PCDHGB4: variants seen among roughly 807,000 people sequenced by gnomAD.
PCDHGB4 encodes the protein protocadherin gamma-B4.
In PCDHGB4, 38 loss-of-function variants were observed where a neutral mutation model predicts 60.5. The observed-to-expected ratio is 0.63, with a 90% CI of 0.48 to 0.82. The LOEUF (loss-of-function observed/expected upper bound fraction) is 0.82, where lower values mean the gene tolerates loss of function less well. Ranked by LOEUF, PCDHGB4 falls within the 40% of genes least tolerant of loss-of-function variation. The pLI, the probability that PCDHGB4 is intolerant of heterozygous loss-of-function variation, is 0.00. For synonymous variants in PCDHGB4, 456 were observed against 509.7 expected (o/e 0.89, Z 1.42); for missense variants, 1,109 against 1,209.6 (o/e 0.92, Z 1.23).
chr5:141,388,195 T>C lies in PCDHGB4; in HGVS notation c.311T>C (p.Leu104Pro). 1 of 1,563,830 alleles carries C rather than the reference T, an allele frequency of 6.4e-7. No individual in the cohort carries two copies. Among genetic ancestry groups the C allele is most frequent in the Non-Finnish European group, 8.8e-7 (1 of 1,139,490 alleles). ...EICGKKPACA[L>P]EFEAVAENPL... The stretch of plus-strand genomic sequence containing the variant: ...TGCGGGAAGAAGCCAGCTTGTGCTC[T>C]GGAATTTGAGGCTGTTGCTGAAAAT... Residue 104 changes from leucine to proline, a missense_variant, in exon 1 of 4, where the codon CTG becomes CCG. Coordinates refer to ENST00000519479, the MANE Select transcript of PCDHGB4 (RefSeq NM_003736.4).
chr5:141,499,089 A>G (rs1417307590), intron 2 of PCDHGB4, among the ~76,000 whole-genome samples: 2 of 152,116 alleles, frequency 1.3e-5, no homozygotes, highest in Non-Finnish European at 1.5e-5. Context: ...CCTGCTTGGC[A>G]CATGCTTCTC....
At chr5:141,426,693 A>G (rs62378458) in intron 1 of PCDHGB4, 1 of 435,784 alleles carries the variant, frequency 2.3e-6, no homozygotes, top group African/African-American at 2.0e-5. Flanking sequence ...CCAAAATAGC[A>G]TTGTTTTACA....
chr5:141,470,837 G>A (rs932315417), intron 1 of PCDHGB4, among the ~76,000 whole-genome samples: 4 of 151,948 alleles, frequency 2.6e-5, no homozygotes, highest in Non-Finnish European at 4.4e-5. Flanking sequence ...ACAAACACAC[G>A]CCACCATGCT....
Position 141,390,129 on chromosome 5 carries a change from T to G in PCDHGB4, c.2245T>G (p.Ser749Ala), listed in dbSNP as rs1194598931. 6.2e-7 allele frequency: 1 copy of G among 1,613,936 alleles called. No individual in the cohort carries two copies. The highest frequency in any genetic ancestry group is 8.5e-7 in the Non-Finnish European group (1 of 1,179,910). Residue 749 changes from serine to alanine, a missense_variant, in exon 1 of 4, where the codon TCC (serine) becomes GCC (alanine). Ser to Ala is a moderately conservative substitution (Grantham distance 99). Coordinates refer to ENST00000519479, the MANE Select transcript of PCDHGB4 (RefSeq NM_003736.4). ...PNYSEGTLPYSYNLCVAHTGK... is the reference protein window; with the variant it reads ...PNYSEGTLPYAYNLCVAHTGK... ...CTACAGCGAGGGGACTTTGCCTTAT[T>G]CCTACAATCTATGTGTTGCACATAC...
Position 141,418,176 on chromosome 5 carries a change from T to G in PCDHGB4, c.2397+27895T>G, listed in dbSNP as rs1197334192. 1 of 1,614,078 alleles carries G rather than the reference T, an allele frequency of 6.2e-7. No individual in the cohort carries two copies. Among genetic ancestry groups the G allele is most frequent in the Non-Finnish European group, 8.5e-7 (1 of 1,179,908 alleles). On this transcript the variant is annotated intron_variant, in intron 1 of 3. Coordinates refer to ENST00000519479, the MANE Select transcript of PCDHGB4 (RefSeq NM_003736.4). ...GAGAGAAGAAGATGTGAGTTGCAAT[T>G]GGAAGCTGTGGTGGAAAATCCTTTA...
intron 1 of PCDHGB4, among the ~76,000 whole-genome samples, chr5:141,481,913 CAAAAAAA>C (rs34114744): frequency 2.2e-5 from 2 of 90,812 alleles, no homozygotes; most frequent in Admixed American, 1.2e-4. Context: ...AACTCCATCT[CAAAAAAA>C]AAAAAAAAAA....
intron 1 of PCDHGB4, among the ~76,000 whole-genome samples, chr5:141,466,183 T>G (rs145148468): frequency 2.0e-5 from 3 of 152,138 alleles, no homozygotes; most frequent in Middle Eastern, 3.4e-3. Flanking sequence ...TATTTTTATT[T>G]TTTTTCAGAC....
chr5:141,457,480 G>A lies in PCDHGB4; in HGVS notation c.2398-37327G>A, dbSNP rs566798464. ...GATTCACAGGAATAAGCAGGGCCAGGGTTAGTCTAAAATGTAGGCAAAAAG... is the reference window on the plus strand; with the variant it reads ...GATTCACAGGAATAAGCAGGGCCAGAGTTAGTCTAAAATGTAGGCAAAAAG... On this transcript the variant is annotated intron_variant, in intron 1 of 3. Transcript: ENST00000519479. 2.0e-5 allele frequency among the ~76,000 whole-genome samples: 3 copies of A among 152,266 alleles called. No individual in the cohort carries two copies. In the South Asian group the frequency reaches 6.2e-4, roughly 32 times the overall value.
chr5:141,413,461 C>T, intron 1 of PCDHGB4: 2 of 1,614,082 alleles, frequency 1.2e-6, no homozygotes, highest in Non-Finnish European at 1.7e-6. Context: ...CAGGATAGAC[C>T]GGGAGGAGCT....
intron 1 of PCDHGB4, among the ~76,000 whole-genome samples, chr5:141,447,321 G>C (rs148203274): frequency 3.9e-5 from 6 of 152,068 alleles, no homozygotes; most frequent in Admixed American, 6.5e-5. Flanking sequence ...TGTATTTTTA[G>C]TAGAGACGGG....
intron 1 of PCDHGB4, chr5:141,428,437 C>G: frequency 2.5e-6 from 1 of 400,386 alleles, no homozygotes; most frequent in East Asian, 5.4e-5. Flanking sequence ...TAAGACTAGA[C>G]CAGGGGTTTT....
chr5:141,428,344 G>T (rs970552377), intron 1 of PCDHGB4: 3 of 596,498 alleles, frequency 5.0e-6, no homozygotes, highest in Non-Finnish European at 6.1e-6. Flanking sequence ...CTTCTTCCTC[G>T]CAGTGATTTT....
chr5:141,398,931 C>T, intron 1 of PCDHGB4: 2 of 1,613,956 alleles, frequency 1.2e-6, no homozygotes, highest in East Asian at 4.5e-5. Context: ...CAGCCACTGA[C>T]CAAGACGAGG....
At chr5:141,500,822 T>A (rs1377955680) in intron 2 of PCDHGB4, among the ~76,000 whole-genome samples, 1 of 152,240 alleles carries the variant, frequency 6.6e-6, no homozygotes, top group African/African-American at 2.4e-5. Context: ...TACATATTAT[T>A]TTTCTAATGC....
chr5:141,410,255 C>T (rs758117248), intron 1 of PCDHGB4: 26 of 1,614,030 alleles, frequency 1.6e-5, no homozygotes, highest in Non-Finnish European at 1.9e-5. Flanking sequence ...CTCTGACCCC[C>T]AGGCTGAACT....
At chr5:141,422,374 G>A (rs1268014814) in intron 1 of PCDHGB4, 1 of 1,570,452 alleles carries the variant, frequency 6.4e-7, no homozygotes, top group Non-Finnish European at 8.6e-7. Flanking sequence ...AAATGGTCAA[G>A]TCTCCTGTTT....
chr5:141,499,563 A>C (rs979866448), intron 2 of PCDHGB4, among the ~76,000 whole-genome samples: 3 of 152,242 alleles, frequency 2.0e-5, no homozygotes, highest in Non-Finnish European at 2.9e-5. Context: ...ACCACTATCC[A>C]GCTTCAACTA....
intron 1 of PCDHGB4, chr5:141,427,619 C>T: frequency 1.4e-6 from 1 of 696,342 alleles, no homozygotes; most frequent in Non-Finnish European, 2.6e-6. Context: ...AAGTCAACGA[C>T]AATGCTCCGG....
chr5:141,474,962 A>G (rs954703806), intron 1 of PCDHGB4, among the ~76,000 whole-genome samples: 3 of 152,256 alleles, frequency 2.0e-5, no homozygotes, highest in Non-Finnish European at 4.4e-5. Flanking sequence ...CACTATCCTA[A>G]TCATTATAAT....
Sources: allele counts gnomAD v4.1 joint callset (sites outside exome capture counted in the v4.1 genomes callset), GRCh38; gene constraint gnomAD v4.1.1; transcripts MANE v1.5; gene names NCBI Gene and HGNC (gene_info 2026-07-23, HGNC 2026-07-21).